The following PXYLP1 variants were observed in gnomAD, a reference collection of about 807,000 sequenced individuals.
The protein encoded by PXYLP1 is 2-phosphoxylose phosphatase 1.
PXYLP1 carries 17 observed loss-of-function variants against 37.9 expected under a neutral mutation model. The observed-to-expected ratio is 0.45, with a 90% CI of 0.31 to 0.67. The LOEUF (loss-of-function observed/expected upper bound fraction) is 0.67. Among genes scored for constraint, PXYLP1 ranks in the 30% least tolerant of loss-of-function variants. The probability of loss-of-function intolerance (pLI) is 0.07; values close to 1 mark genes in which losing one functional copy is unlikely to be tolerated. For missense variants in PXYLP1, 511 were observed against 612.0 expected, an observed-to-expected ratio of 0.84 and a Z score of 1.74; for synonymous variants, 221 against 232.2, an observed-to-expected ratio of 0.95 and a Z score of 0.44.
chr3:141,291,071 T>C (rs1459293944), intron 5 of PXYLP1, among the ~76,000 whole-genome samples: 4 of 152,208 alleles, frequency 2.6e-5, no homozygotes, highest in East Asian at 1.9e-4. Flanking sequence ...TCATGCACAG[T>C]AGGACCCAGA....
chr3:141,279,891 C>T (rs1576602036), intron 4 of PXYLP1, among the ~76,000 whole-genome samples: 6 of 152,306 alleles, frequency 3.9e-5, no homozygotes, highest in East Asian at 1.9e-4. Context: ...ACCTCTGAAA[C>T]GGGGATCACA....
intron 1 of PXYLP1, chr3:141,234,821 G>A (rs1940620609): frequency 6.6e-6 from 1 of 152,236 alleles, no homozygotes; most frequent in African/African-American, 2.4e-5. Flanking sequence ...CTTGGCTGTG[G>A]GAGCCTGCAC....
At chr3:141,279,169 T>TG (rs1941881035) in intron 3 of PXYLP1, among the ~76,000 whole-genome samples, 1 of 152,220 alleles carries the variant, frequency 6.6e-6, no homozygotes, top group Non-Finnish European at 1.5e-5. Context: ...CATGTTCCTC[T>TG]GTCCCGCCTT....
intron 2 of PXYLP1, chr3:141,272,964 A>T (rs995189327): frequency 5.1e-6 from 5 of 983,366 alleles, no homozygotes; most frequent in Non-Finnish European, 4.8e-6. Context: ...GTGGACACCC[A>T]GTATTAACCA....
chr3:141,294,616 A>G lies in PXYLP1; in HGVS notation c.*1411A>G, dbSNP rs1160259961. On this transcript the variant is annotated 3_prime_UTR_variant, in exon 6 of 6. Coordinates refer to ENST00000286353, the MANE Select transcript of PXYLP1 (RefSeq NM_001037172.3). ...CATTTGAATATGTCTGTTTCTATAAATAAATTTTTTAAGAATACCTATACT... is the reference window on the plus strand; with the variant it reads ...CATTTGAATATGTCTGTTTCTATAAGTAAATTTTTTAAGAATACCTATACT... 1 of 152,240 alleles carries G rather than the reference A, an allele frequency of 6.6e-6. No homozygotes were observed. Among genetic ancestry groups the G allele is most frequent in the African/African-American group, 2.4e-5 (1 of 41,470 alleles). The allele number at this position is 152,240 out of a possible 1,614,324, so 9.4% of individuals were successfully genotyped here. A position where few individuals can be genotyped will look rare whatever the true frequency, so the allele number is the denominator to read the frequency against.
rs1471759083 is a variant in PXYLP1 at position 141,292,386 on chromosome 3, C to T, written c.624C>T (p.Ser208=). The T allele has an allele frequency of 6.2e-7, 1 of 1,614,190 alleles. No individual in the cohort carries two copies. Among genetic ancestry groups the T allele is most frequent in the Non-Finnish European group, 8.5e-7 (1 of 1,180,028 alleles). Residue 208 remains serine, a synonymous_variant, in exon 6 of 6, where the codon AGC becomes AGT. Transcript: ENST00000286353. This position sits in a 1 kb window ranked among gnomAD's most constrained non-coding sequence, Gnocchi z 4.3. The part of the protein sequence containing the change: ...DQLYLETTGK[S]RTLQSGLALL... ...TCTATTTAGAGACCACTGGGAAAAG[C>T]CGGACCCTACAAAGTGGGCTGGCCT... is the stretch of plus-strand genomic sequence containing the variant.
chr3:141,268,220 T>A (rs944843133), intron 2 of PXYLP1, among the ~76,000 whole-genome samples: 96 of 151,522 alleles, frequency 6.3e-4, no homozygotes, highest in East Asian at 4.7e-3. Flanking sequence ...TGTGTGTGTG[T>A]GTGTGTGTGT....
chr3:141,272,908 A>T (rs1009652093), intron 2 of PXYLP1: 2 of 894,082 alleles, frequency 2.2e-6, no homozygotes, highest in Non-Finnish European at 2.7e-6. Context: ...CAGCACACTC[A>T]TAGACACACC....
chr3:141,272,205 A>G (rs73869553), intron 2 of PXYLP1, among the ~76,000 whole-genome samples: 25,412 of 152,114 alleles, frequency 0.17, 2,729 homozygotes, highest in African/African-American at 0.3. Flanking sequence ...ACTCCCAGAT[A>G]ATGAGGTGGC....
At position 141,260,105 on chromosome 3, in the gene PXYLP1, C is replaced by T; in HGVS notation, c.-53-18C>T. 3 of 1,578,774 alleles carry T rather than the reference C, an allele frequency of 1.9e-6. No individual in the cohort carries two copies. The highest frequency in any genetic ancestry group is 2.2e-5 in the South Asian group (2 of 89,394). ...TCCACCTCTAAACACTCATTTATCACCTCTGCTTTATTCACAGGACATGTT... is the reference window on the plus strand; with the variant it reads ...TCCACCTCTAAACACTCATTTATCATCTCTGCTTTATTCACAGGACATGTT... On this transcript the variant is annotated intron_variant, in intron 1 of 5. Transcript: ENST00000286353.
chr3:141,278,671 G>A (rs1160636928), intron 3 of PXYLP1, among the ~76,000 whole-genome samples, 171 bp downstream of exon 3: 1 of 152,226 alleles, frequency 6.6e-6, no homozygotes, highest in Non-Finnish European at 1.5e-5. Flanking sequence ...TAAAATGGGA[G>A]TAACTCACAG....
At chr3:141,286,928 C>G (rs1301407156) in intron 4 of PXYLP1, among the ~76,000 whole-genome samples, 8 of 152,180 alleles carry the variant, frequency 5.3e-5, no homozygotes, top group Admixed American at 5.2e-4. Flanking sequence ...GGGGAGCAGA[C>G]AGCATGTGCA....
intron 1 of PXYLP1, among the ~76,000 whole-genome samples, chr3:141,245,447 C>T (rs1042679107): frequency 1.2e-4 from 18 of 152,182 alleles, no homozygotes; most frequent in Non-Finnish European, 1.6e-4. Context: ...TGATTAGAAT[C>T]GTGCCATGCC....
chr3:141,275,983 T>C (rs1222282193), intron 2 of PXYLP1, among the ~76,000 whole-genome samples: 4 of 152,246 alleles, frequency 2.6e-5, no homozygotes, highest in Non-Finnish European at 5.9e-5. Context: ...ATTTTTACTG[T>C]ATTCTTTCTA....
At chr3:141,245,442 A>AGAAT (rs1331606886) in intron 1 of PXYLP1, among the ~76,000 whole-genome samples, 3 of 152,214 alleles carry the variant, frequency 2.0e-5, no homozygotes, top group Admixed American at 6.5e-5. Flanking sequence ...CATATTGATT[A>AGAAT]GAATCGTGCC....
chr3:141,234,249 G>A (rs1940606748), intron 1 of PXYLP1: 1 of 151,982 alleles, frequency 6.6e-6, no homozygotes, highest in Non-Finnish European at 1.5e-5. Flanking sequence ...TCTGATGGTG[G>A]GTCGTTAACC....
intron 4 of PXYLP1, among the ~76,000 whole-genome samples, chr3:141,283,324 G>A (rs1358306033): frequency 2.0e-5 from 3 of 151,888 alleles, no homozygotes; most frequent in African/African-American, 7.3e-5. Flanking sequence ...GGCTTGCTGG[G>A]AAAAAGAGGT....
At position 141,279,523 on chromosome 3, in the gene PXYLP1, A is replaced by G. The variant is rs1223096781; in HGVS notation, c.365+19A>G. On this transcript the variant is annotated intron_variant, in intron 4 of 5. Coordinates refer to ENST00000286353, the MANE Select transcript of PXYLP1 (RefSeq NM_001037172.3). ...CTAACAGGTAAATTGCACTTTTTCTAAAAGTCATTTTCAAGTGTCTGTTAT... is the reference window on the plus strand; with the variant it reads ...CTAACAGGTAAATTGCACTTTTTCTGAAAGTCATTTTCAAGTGTCTGTTAT... The G allele has an allele frequency of 1.2e-6, 2 of 1,614,094 alleles. No individual in the cohort carries two copies. Among genetic ancestry groups the G allele is most frequent in the Admixed American group, 1.7e-5 (1 of 60,022 alleles).
At chr3:141,255,945 C>T (rs576149778) in intron 1 of PXYLP1, among the ~76,000 whole-genome samples, 5 of 152,286 alleles carry the variant, frequency 3.3e-5, no homozygotes, top group Non-Finnish European at 7.4e-5. Context: ...GGCAGGGACA[C>T]AACAGCTGAG....
Sources: allele counts gnomAD v4.1 joint callset (sites outside exome capture counted in the v4.1 genomes callset), GRCh38; gene constraint gnomAD v4.1.1; non-coding constraint Gnocchi (gnomAD v3.1); transcripts MANE v1.5; gene names NCBI Gene and HGNC (gene_info 2026-07-23, HGNC 2026-07-21).